Variants in CADPS observed in about 807,000 individuals in gnomAD.
CADPS encodes calcium dependent secretion activator, also known as calcium-dependent secretion activator 1.
In CADPS, 57 loss-of-function variants were observed where a neutral mutation model predicts 167.3. That is an observed-to-expected ratio of 0.34 (90% CI 0.28 to 0.42). CADPS has a LOEUF of 0.42. Ranked by LOEUF, CADPS falls within the 20% of genes least tolerant of loss-of-function variation. The pLI is 1.00. For synonymous variants in CADPS, 676 were observed against 635.3 expected (o/e 1.06, Z -0.96); for missense variants, 1,414 against 1,738.1 (o/e 0.81, Z 3.32).
intron 1 of CADPS, among the ~76,000 whole-genome samples, chr3:62,792,967 G>T (rs556403354): frequency 6.6e-6 from 1 of 152,236 alleles, no homozygotes; most frequent in South Asian, 2.1e-4. Flanking sequence ...AGACTACTTG[G>T]ATCAGAAGCC....
chr3:62,656,780 T>C (rs2071714897), intron 4 of CADPS, among the ~76,000 whole-genome samples: 1 of 152,210 alleles, frequency 6.6e-6, no homozygotes, highest in South Asian at 2.1e-4. Context: ...AAAGGCACTT[T>C]GGGCTCAGGC....
intron 17 of CADPS, among the ~76,000 whole-genome samples, chr3:62,506,190 C>T (rs2066649302): frequency 6.6e-6 from 1 of 152,086 alleles, no homozygotes; most frequent in Admixed American, 6.6e-5. Flanking sequence ...GAGTTCCAGA[C>T]CATCCTGGCC....
chr3:62,658,053 G>C (rs746243491), intron 4 of CADPS, among the ~76,000 whole-genome samples: 1 of 152,134 alleles, frequency 6.6e-6, no homozygotes, highest in African/African-American at 2.4e-5. Context: ...CCAGGAGGGG[G>C]AACCAGCAGG....
At chr3:62,459,195 A>T (rs1197512365) in intron 26 of CADPS, among the ~76,000 whole-genome samples, 1 of 152,238 alleles carries the variant, frequency 6.6e-6, no homozygotes, top group African/African-American at 2.4e-5. Context: ...TATGAACAAA[A>T]TACATTAGAA....
chr3:62,643,310 C>A (rs1429934291), intron 6 of CADPS, among the ~76,000 whole-genome samples: 1 of 152,194 alleles, frequency 6.6e-6, no homozygotes, highest in African/African-American at 2.4e-5. Context: ...CTTCTCAATA[C>A]AGCACTTCAG....
At chr3:62,659,016 G>A (rs1533161) in intron 4 of CADPS, among the ~76,000 whole-genome samples, 28,368 of 152,058 alleles carry the variant, frequency 0.19, 2,673 homozygotes, top group Middle Eastern at 0.29. Flanking sequence ...GTAGTCCTCC[G>A]TCTCCGATCT....
In CADPS at chr3:62,651,029, C is replaced by T; in HGVS notation, c.1021G>A (p.Glu341Lys). The change falls in exon 5 of 30, where the codon GAG becomes AAG. Residue 341 changes from glutamate to lysine, a missense_variant. Around this residue, in one of 6 missense-constraint regions of CADPS, gnomAD observed 522 missense variants for 559.5 expected, o/e 0.93. Coordinates refer to ENST00000383710, the MANE Select transcript of CADPS (RefSeq NM_003716.4). ...AGGTTGACAGATGACTTCAGCTCCT[C>T]AATGTACATGTTTTCCATTTCTTTG... ...VSKEMENMYI[E>K]ELKSSVNLLM... is the part of the protein sequence containing the mutation. 1 of 1,614,106 alleles carries T rather than the reference C, an allele frequency of 6.2e-7. No individual in the cohort carries two copies. Among genetic ancestry groups the T allele is most frequent in the Non-Finnish European group, 8.5e-7 (1 of 1,179,980 alleles).
chr3:62,659,987 C>T (rs2072775689), intron 4 of CADPS, among the ~76,000 whole-genome samples: 1 of 152,146 alleles, frequency 6.6e-6, no homozygotes, highest in African/African-American at 2.4e-5. Context: ...TAATTGCCTA[C>T]TTCATTGTCT....
At chr3:62,645,690 T>C in intron 6 of CADPS, 32 bp downstream of exon 6, 1 of 1,612,440 alleles carries the variant, frequency 6.2e-7, no homozygotes, top group Non-Finnish European at 8.5e-7. Context: ...AGCAACCCTC[T>C]ATAAGATGGA....
At chr3:62,720,183 TAG>T (rs1268607184) in intron 3 of CADPS, among the ~76,000 whole-genome samples, 1 of 129,268 alleles carries the variant, frequency 7.7e-6, no homozygotes, top group Non-Finnish European at 1.9e-5. Flanking sequence ...AAAGTAACCA[TAG>T]ATAGCAACAA....
chr3:62,715,808 G>C (rs1200230474), intron 3 of CADPS, among the ~76,000 whole-genome samples: 2 of 124,242 alleles, frequency 1.6e-5, no homozygotes, highest in Non-Finnish European at 3.2e-5. Flanking sequence ...CCAGGCTGGA[G>C]TGCAGTGGCG....
At chr3:62,736,955 G>T (rs745413842) in intron 3 of CADPS, among the ~76,000 whole-genome samples, 3 of 150,798 alleles carry the variant, frequency 2.0e-5, no homozygotes, top group Admixed American at 6.6e-5. Context: ...TGGCCAACAT[G>T]ATGAAACCCC....
intron 11 of CADPS, among the ~76,000 whole-genome samples, chr3:62,547,036 G>T (rs1019120599): frequency 8.5e-5 from 13 of 152,116 alleles, no homozygotes; most frequent in African/African-American, 3.1e-4. Flanking sequence ...ATAAAGGTTG[G>T]GTTGATTAAA....
chr3:62,671,766 G>A (rs1387870297), intron 3 of CADPS, among the ~76,000 whole-genome samples: 1 of 151,824 alleles, frequency 6.6e-6, no homozygotes, highest in African/African-American at 2.4e-5. Context: ...AGTATTTTCT[G>A]TTTGTTTGTT....
chr3:62,796,375 C>T (rs558118342), intron 1 of CADPS: 1 of 152,122 alleles, frequency 6.6e-6, no homozygotes, highest in African/African-American at 2.4e-5. Flanking sequence ...CTGCCTTAGC[C>T]TCTGGAGTAG....
chr3:62,622,215 C>A (rs1265211587), intron 6 of CADPS, among the ~76,000 whole-genome samples: 1 of 152,060 alleles, frequency 6.6e-6, no homozygotes, highest in Non-Finnish European at 1.5e-5. Flanking sequence ...CTCAGAGGGT[C>A]TGAGGTGTAA....
chr3:62,628,303 T>A (rs1290299437), intron 6 of CADPS, among the ~76,000 whole-genome samples: 5 of 152,186 alleles, frequency 3.3e-5, no homozygotes, highest in Non-Finnish European at 7.4e-5. Flanking sequence ...TTGTACATGT[T>A]AGCCATCATG....
chr3:62,553,788 T>A (rs898048996), intron 10 of CADPS, among the ~76,000 whole-genome samples: 1 of 152,042 alleles, frequency 6.6e-6, no homozygotes, highest in Non-Finnish European at 1.5e-5. Flanking sequence ...AAAGTGAACA[T>A]CCACAAAGTG....
chr3:62,497,455 C>G (rs893003212), intron 18 of CADPS, among the ~76,000 whole-genome samples: 1 of 152,164 alleles, frequency 6.6e-6, no homozygotes, highest in African/African-American at 2.4e-5. Flanking sequence ...TTTGTAGACA[C>G]GTGGGAAGAA....
Sources: allele counts gnomAD v4.1 joint callset (sites outside exome capture counted in the v4.1 genomes callset), GRCh38; gene constraint gnomAD v4.1.1; regional missense constraint gnomAD v4.1.1; transcripts MANE v1.5; gene names NCBI Gene and HGNC (gene_info 2026-07-23, HGNC 2026-07-21).